The following NPHP4 variants were observed in gnomAD, a reference collection of about 807,000 sequenced individuals.
The protein encoded by NPHP4 is nephrocystin-4.
Under a neutral mutation model 155.8 loss-of-function variants are expected in NPHP4, and 151 were observed. The observed-to-expected ratio is 0.97, with a 90% CI of 0.85 to 1.11. NPHP4 has a LOEUF of 1.11. Ranked by LOEUF, NPHP4 falls within the 50% of genes least tolerant of loss-of-function variation. The pLI, the probability that NPHP4 is intolerant of heterozygous loss-of-function variation, is 0.00. For synonymous variants in NPHP4, 845 were observed against 816.8 expected (o/e 1.03, Z -0.59); for missense variants, 1,956 against 1,925.7 (o/e 1.02, Z -0.29).
At chr1:5,974,195 T>C (rs1281023724) in intron 3 of NPHP4, among the ~76,000 whole-genome samples, 2 of 152,206 alleles carry the variant, frequency 1.3e-5, no homozygotes, top group African/African-American at 2.4e-5. Flanking sequence ...ATGGCTGTGA[T>C]GACGGGAAGA....
At chr1:5,885,125 C>T (rs1643674113) in intron 18 of NPHP4, among the ~76,000 whole-genome samples, 1 of 147,214 alleles carries the variant, frequency 6.8e-6, no homozygotes, top group Admixed American at 6.8e-5. Flanking sequence ...TACTCCACAA[C>T]CAAGATCACT....
intron 11 of NPHP4, among the ~76,000 whole-genome samples, chr1:5,917,674 G>C (rs753881270): frequency 3.3e-5 from 5 of 152,188 alleles, no homozygotes; most frequent in Non-Finnish European, 7.3e-5. Flanking sequence ...GCAATGTACA[G>C]ATGAATGAAA....
chr1:5,967,424 A>G (rs375663222), intron 4 of NPHP4, 61 bp from the exon 5 acceptor site: 10 of 1,326,142 alleles, frequency 7.5e-6, no homozygotes, highest in African/African-American at 2.9e-5. Flanking sequence ...GAAGGAAAGC[A>G]CATGGAGGCC....
rs369095959 is a variant in NPHP4 at position 5,904,605 on chromosome 1, A to G, written c.2143+12T>C. 1.4e-5 allele frequency: 23 copies of G among 1,590,216 alleles called. 1 individual carries two copies. The highest frequency in any genetic ancestry group is 3.4e-5 in the Admixed American group (2 of 59,202). The stretch of plus-strand genomic sequence containing the variant: ...AGAATGTCTTGCCTTTGCCATGCAC[A>G]TGAGTACTCACCAGCATCAAAGGTG... On this transcript the variant is annotated intron_variant, in intron 16 of 29. Coordinates refer to ENST00000378156, the MANE Select transcript of NPHP4 (RefSeq NM_015102.5).
chr1:5,872,444 T>G (rs892080210), intron 23 of NPHP4, among the ~76,000 whole-genome samples: 1 of 152,142 alleles, frequency 6.6e-6, no homozygotes, highest in Non-Finnish European at 1.5e-5. Context: ...TTCCCACTCA[T>G]GTAAGGAAAA....
In NPHP4 at chr1:5,864,266, G is replaced by A. The variant is rs887488295; in HGVS notation, c.3996+72C>T. On this transcript the variant is annotated intron_variant, in intron 28 of 29. Transcript: ENST00000378156. The stretch of plus-strand genomic sequence containing the variant: ...ATCCAGTGGTCCGAGTCACAGGGCC[G>A]AGGTGGGGGTCCTGCAGTGCCCTGG... 1.5e-5 allele frequency: 21 copies of A among 1,423,776 alleles called. No homozygotes were observed. In the Admixed American group the frequency reaches 2.2e-4, roughly 15 times the overall value. 88.2% of individuals were successfully genotyped at this position (1,423,776 alleles called of 1,614,324 possible). A position where few individuals can be genotyped will look rare whatever the true frequency, so the allele number is the denominator to read the frequency against.
At chr1:5,975,387 A>C (rs531748838) in intron 3 of NPHP4, among the ~76,000 whole-genome samples, 1 of 152,330 alleles carries the variant, frequency 6.6e-6, no homozygotes, top group East Asian at 1.9e-4. Context: ...TAGCAGCTGC[A>C]GACAGCAGGC....
chr1:5,974,940 C>A (rs995455011), intron 3 of NPHP4, among the ~76,000 whole-genome samples: 2 of 152,164 alleles, frequency 1.3e-5, no homozygotes, highest in African/African-American at 4.8e-5. Flanking sequence ...CCCCCCAAAC[C>A]AATGCTGATA....
At position 5,864,452 on chromosome 1, in the gene NPHP4, C is replaced by A. The variant is rs367814493; in HGVS notation, c.3882G>T (p.Arg1294Ser). 35 of 1,606,150 alleles carry A rather than the reference C, an allele frequency of 2.2e-5. No homozygotes were observed. The highest frequency in any genetic ancestry group is 5.1e-5 in the Admixed American group (3 of 58,968). Residue 1294 changes from arginine (R) to serine (S), a missense_variant, in exon 28 of 30, where the codon AGG becomes AGT. Transcript: ENST00000378156. ...RGVQDLHVGV[R>S]PLRAGSRFVH... ...CAAAGCGGCTGCCGGCCCTAAGGGG[C>A]CTCACGCCAACATGCAGGTCCTGCA...
At chr1:5,976,723 G>A (rs1188263938) in intron 3 of NPHP4, among the ~76,000 whole-genome samples, 2 of 152,150 alleles carry the variant, frequency 1.3e-5, no homozygotes, top group African/African-American at 2.4e-5. Context: ...TTGAAGCTTC[G>A]TGACCTCTGG....
chr1:5,970,124 C>T (rs556216370), intron 3 of NPHP4, among the ~76,000 whole-genome samples: 62 of 152,294 alleles, frequency 4.1e-4, no homozygotes, highest in Admixed American at 3.9e-4. Flanking sequence ...GCATCTCATA[C>T]GGGCGCTCCC....
chr1:5,867,119 G>C lies in NPHP4; in HGVS notation c.3473-4C>G. On this transcript the variant is annotated splice_polypyrimidine_tract_variant and splice_region_variant and intron_variant, in intron 24 of 29. Coordinates refer to ENST00000378156, the MANE Select transcript of NPHP4 (RefSeq NM_015102.5). This position sits in a 1 kb window ranked among gnomAD's most constrained non-coding sequence, Gnocchi z 4.1. ...CCAAGCATTCCCACCGGAGCACCTG[G>C]AGCAGGGGAAATGTCAAAAAGAGTC... 3.7e-6 allele frequency: 6 copies of C among 1,608,962 alleles called. No individual in the cohort carries two copies. The highest frequency in any genetic ancestry group is 5.1e-6 in the Non-Finnish European group (6 of 1,177,442).
At chr1:5,971,596 GCACCCCTCGGGT>G (rs932724721) in intron 3 of NPHP4, among the ~76,000 whole-genome samples, 1 of 152,190 alleles carries the variant, frequency 6.6e-6, no homozygotes, top group Non-Finnish European at 1.5e-5. Context: ...CCACATGGCT[GCACCCCTCGGGT>G]CACCCCAGCA....
chr1:5,954,313 G>A (rs1570617983), intron 6 of NPHP4, among the ~76,000 whole-genome samples: 1 of 152,164 alleles, frequency 6.6e-6, no homozygotes, highest in African/African-American at 2.4e-5. Context: ...AATAAATTGA[G>A]AAATAATCGT....
chr1:5,946,297 C>T (rs1368752901), intron 9 of NPHP4, among the ~76,000 whole-genome samples: 1 of 152,182 alleles, frequency 6.6e-6, no homozygotes, highest in African/African-American at 2.4e-5. Context: ...ATGATGTCCA[C>T]ATATTTTATT....
chr1:5,912,609 G>A (rs1220046427), intron 11 of NPHP4, among the ~76,000 whole-genome samples: 1 of 151,988 alleles, frequency 6.6e-6, no homozygotes, highest in Non-Finnish European at 1.5e-5. Context: ...GGGTGTGCTG[G>A]CAAACTCGTG....
intron 9 of NPHP4, among the ~76,000 whole-genome samples, chr1:5,941,104 C>G (rs893872561): frequency 3.3e-5 from 5 of 151,986 alleles, no homozygotes; most frequent in African/African-American, 1.2e-4. Context: ...ACAGACAGGG[C>G]AGCCCATGAG....
At chr1:5,973,188 A>G (rs1652901116) in intron 3 of NPHP4, among the ~76,000 whole-genome samples, 1 of 152,168 alleles carries the variant, frequency 6.6e-6, no homozygotes, top group South Asian at 2.1e-4. Context: ...CCCGGCCTCA[A>G]TTTGTAGTCT....
intron 2 of NPHP4, among the ~76,000 whole-genome samples, chr1:5,981,069 T>C (rs1044654750): frequency 3.3e-5 from 5 of 152,210 alleles, no homozygotes; most frequent in African/African-American, 9.6e-5. Flanking sequence ...TGAAATAGTC[T>C]GTTCCCTGCT....
Sources: gnomAD v4.1 joint callset for allele counts (sites outside exome capture counted in the v4.1 genomes callset) on GRCh38, gnomAD v4.1.1 for gene constraint, Gnocchi (gnomAD v3.1) non-coding constraint, MANE v1.5 for transcripts, NCBI Gene and HGNC (gene_info 2026-07-23, HGNC 2026-07-21) for gene names.